Variants in UNC5D observed in about 807,000 individuals in gnomAD.
UNC5D encodes the protein unc-5 netrin receptor D.
Under a neutral mutation model 105.4 loss-of-function variants are expected in UNC5D, and 39 were observed. That is an observed-to-expected ratio of 0.37 (90% CI 0.29 to 0.48). The LOEUF is 0.48. Ranked by LOEUF, UNC5D falls within the 20% of genes least tolerant of loss-of-function variation. UNC5D has a pLI of 0.98. For missense variants in UNC5D, 991 were observed against 1,202.4 expected (o/e 0.82, Z 2.60); for synonymous variants, 452 against 450.4 (o/e 1.00, Z -0.04).
chr8:35,243,441 TA>T (rs1252395445), intron 1 of UNC5D, among the ~76,000 whole-genome samples: 1 of 152,216 alleles, frequency 6.6e-6, no homozygotes, highest in African/African-American at 2.4e-5. Flanking sequence ...TATCTGCATC[TA>T]ATTTATTTCT....
At chr8:35,321,563 G>A (rs1809747427) in intron 1 of UNC5D, among the ~76,000 whole-genome samples, 1 of 152,162 alleles carries the variant, frequency 6.6e-6, no homozygotes, top group African/African-American at 2.4e-5. Flanking sequence ...ATGTGGAACT[G>A]TGAGTCTATT....
chr8:35,642,563 C>A (rs1414535198), intron 4 of UNC5D, among the ~76,000 whole-genome samples: 1 of 151,938 alleles, frequency 6.6e-6, no homozygotes, highest in African/African-American at 2.4e-5. Flanking sequence ...TCTGATAAAC[C>A]GAGTTGCACT....
chr8:35,418,732 T>C (rs1441969140), intron 1 of UNC5D, among the ~76,000 whole-genome samples: 1 of 152,200 alleles, frequency 6.6e-6, no homozygotes, highest in Non-Finnish European at 1.5e-5. Flanking sequence ...TGCACAAAAC[T>C]AACATGATGG....
chr8:35,696,169 T>C (rs1325716493), intron 7 of UNC5D, among the ~76,000 whole-genome samples: 1 of 152,172 alleles, frequency 6.6e-6, no homozygotes, highest in Non-Finnish European at 1.5e-5. Context: ...GGATTACTGT[T>C]CTGTTGTGAA....
At chr8:35,498,232 G>A (rs1811738474) in intron 1 of UNC5D, among the ~76,000 whole-genome samples, 1 of 151,714 alleles carries the variant, frequency 6.6e-6, no homozygotes, top group African/African-American at 2.4e-5. Flanking sequence ...GTTTCCATTG[G>A]TATTATCATC....
chr8:35,723,559 C>T (rs149331812), intron 9 of UNC5D, among the ~76,000 whole-genome samples: 1 of 151,984 alleles, frequency 6.6e-6, no homozygotes, highest in Non-Finnish European at 1.5e-5. Context: ...CCACACCAAG[C>T]TAAGTTTTTG....
At chr8:35,293,430 A>T (rs1216893331) in intron 1 of UNC5D, among the ~76,000 whole-genome samples, 1 of 152,046 alleles carries the variant, frequency 6.6e-6, no homozygotes, top group East Asian at 1.9e-4. Flanking sequence ...TCTAATGTCA[A>T]TTTGTTTTCT....
intron 13 of UNC5D, among the ~76,000 whole-genome samples, chr8:35,754,799 T>C (rs1830441267): frequency 6.6e-6 from 1 of 152,194 alleles, no homozygotes; most frequent in Admixed American, 6.5e-5. Flanking sequence ...GCAATTTCCT[T>C]GACAAAAACA....
At chr8:35,628,120 T>TTTAC (rs146768067) in intron 4 of UNC5D, among the ~76,000 whole-genome samples, 57 of 151,846 alleles carry the variant, frequency 3.8e-4, no homozygotes, top group Non-Finnish European at 5.6e-4. Flanking sequence ...TATTTATTTA[T>TTTAC]TTACTTACTT....
chr8:35,240,552 G>A (rs1329839986), intron 1 of UNC5D, among the ~76,000 whole-genome samples: 1 of 152,058 alleles, frequency 6.6e-6, no homozygotes, highest in Non-Finnish European at 1.5e-5. Flanking sequence ...GGTAAGTACT[G>A]TGATTACCCC....
chr8:35,763,872 C>G (rs7011539), intron 14 of UNC5D, among the ~76,000 whole-genome samples: 19,017 of 152,112 alleles, frequency 0.13, 3,548 homozygotes, highest in African/African-American at 0.41. Flanking sequence ...GTTGATCAAA[C>G]GACCACTGTG....
chr8:35,249,394 C>T (rs1199384565), intron 1 of UNC5D, among the ~76,000 whole-genome samples: 2 of 149,488 alleles, frequency 1.3e-5, no homozygotes, highest in East Asian at 2.0e-4. Flanking sequence ...CCCATCTCTA[C>T]TGAAAATACA....
At position 35,275,508 on chromosome 8, in the gene UNC5D, T is replaced by G. The variant is rs553846150; in HGVS notation, c.103+39621T>G. On this transcript the variant is annotated intron_variant, in intron 1 of 16. Transcript: ENST00000404895. The stretch of plus-strand genomic sequence containing the variant: ...TCTGGGGCAATATCGGTGAAATCTT[T>G]TATTCATTTTCTTAGTTATTTTTGT... Among the ~76,000 whole-genome samples, 179 of 152,286 alleles carry G rather than the reference T, an allele frequency of 1.2e-3. 2 individuals carry two copies. Among genetic ancestry groups the G allele is most frequent in the African/African-American group, 4.1e-3 (170 of 41,548 alleles).
intron 1 of UNC5D, among the ~76,000 whole-genome samples, chr8:35,312,132 T>C (rs1485228856): frequency 6.6e-6 from 1 of 152,186 alleles, no homozygotes; most frequent in African/African-American, 2.4e-5. Flanking sequence ...AACAATTAAT[T>C]GAATGCTGTC....
intron 1 of UNC5D, among the ~76,000 whole-genome samples, chr8:35,296,102 A>G (rs921069865): frequency 6.6e-6 from 1 of 152,226 alleles, no homozygotes; most frequent in Non-Finnish European, 1.5e-5. Flanking sequence ...CATATTGGCT[A>G]TCATGAATGC....
chr8:35,309,775 A>C (rs902759024), intron 1 of UNC5D, among the ~76,000 whole-genome samples: 2 of 152,180 alleles, frequency 1.3e-5, no homozygotes, highest in African/African-American at 4.8e-5. Context: ...TAAAATGCAG[A>C]TTCCAAGGTT....
At chr8:35,243,932 C>T (rs527666197) in intron 1 of UNC5D, among the ~76,000 whole-genome samples, 1 of 152,254 alleles carries the variant, frequency 6.6e-6, no homozygotes, top group East Asian at 1.9e-4. Context: ...CCTTAGGAAA[C>T]TTTATTCACC....
intron 1 of UNC5D, among the ~76,000 whole-genome samples, chr8:35,421,762 C>T (rs1805921792): frequency 6.6e-6 from 1 of 152,016 alleles, no homozygotes; most frequent in Non-Finnish European, 1.5e-5. Context: ...GAATAGTAAA[C>T]CCAAATAATC....
At chr8:35,565,250 A>G (rs552472910) in intron 2 of UNC5D, among the ~76,000 whole-genome samples, 40 of 152,210 alleles carry the variant, frequency 2.6e-4, no homozygotes, top group Non-Finnish European at 5.0e-4. Flanking sequence ...GCCAACATCT[A>G]TTATTTTTTG....
Sources: gnomAD v4.1 joint callset for allele counts (sites outside exome capture counted in the v4.1 genomes callset) on GRCh38, gnomAD v4.1.1 for gene constraint, MANE v1.5 for transcripts, NCBI Gene and HGNC (gene_info 2026-07-23, HGNC 2026-07-21) for gene names.